Variants in RAPGEF2 observed in about 807,000 individuals in gnomAD.
RAPGEF2 encodes the protein PDZ domain containing guanine nucleotide exchange factor (GEF) 1.
Under a neutral mutation model 186.7 loss-of-function variants are expected in RAPGEF2, and 54 were observed. The ratio of observed to expected loss-of-function variants is 0.29; its 90% CI spans 0.23 to 0.36. RAPGEF2 has a LOEUF of 0.36. Among genes scored for constraint, RAPGEF2 ranks in the 10% least tolerant of loss-of-function variants. The pLI, the probability that RAPGEF2 is intolerant of heterozygous loss-of-function variation, is 1.00. For missense variants in RAPGEF2, 1,532 were observed against 2,045.0 expected, an observed-to-expected ratio of 0.75 and a Z score of 4.84; for synonymous variants, 712 against 705.9, an observed-to-expected ratio of 1.01 and a Z score of -0.14.
chr4:159,132,729 C>A (rs188272104), intron 1 of RAPGEF2, among the ~76,000 whole-genome samples: 23 of 152,154 alleles, frequency 1.5e-4, no homozygotes, highest in Admixed American at 3.9e-4. Flanking sequence ...TAAATACAGT[C>A]TTTTACGTTG....
At chr4:159,323,370 T>C (rs576177619) in intron 10 of RAPGEF2, 89 bp from the exon 11 acceptor site, 1 of 1,082,016 alleles carries the variant, frequency 9.2e-7, no homozygotes, top group South Asian at 2.0e-5. Context: ...ATGGAAGATC[T>C]GCTAATTCAT....
At position 159,221,485 on chromosome 4, in the gene RAPGEF2, G is replaced by GCTA. The variant is rs566833035; in HGVS notation, c.281+10905_281+10907dup. On this transcript the variant is annotated intron_variant, in intron 4 of 29. Transcript: ENST00000691494. ...GAATGTGGACAGTAGTAGTCATGTG[G>GCTA]CTACTTCAGGCCACCCAGGATCCTG... 8.7e-4 allele frequency among the ~76,000 whole-genome samples: 132 copies of GCTA among 152,254 alleles called. 4 individuals carry two copies. The East Asian group carries it at 0.019, about 22-fold the overall frequency.
chr4:159,164,300 G>A (rs978480180), intron 1 of RAPGEF2, among the ~76,000 whole-genome samples: 3 of 116,194 alleles, frequency 2.6e-5, no homozygotes, highest in South Asian at 2.6e-4. Context: ...CACTGCACCC[G>A]GCTGTTTTTT....
At chr4:159,165,085 G>A (rs963072480) in intron 1 of RAPGEF2, among the ~76,000 whole-genome samples, 2 of 152,018 alleles carry the variant, frequency 1.3e-5, no homozygotes, top group African/African-American at 2.4e-5. Flanking sequence ...TTTGGGGAAG[G>A]GGAAAAGGTC....
intron 4 of RAPGEF2, among the ~76,000 whole-genome samples, chr4:159,215,973 C>T (rs1750959830): frequency 6.6e-6 from 1 of 152,150 alleles, no homozygotes; most frequent in Non-Finnish European, 1.5e-5. Context: ...GCAAAATAAT[C>T]TATACTACAA....
chr4:159,250,572 T>C (rs2111507715), intron 7 of RAPGEF2, among the ~76,000 whole-genome samples: 1 of 152,298 alleles, frequency 6.6e-6, no homozygotes, highest in South Asian at 2.1e-4. Flanking sequence ...CATTTGTGGT[T>C]TCAATACAAT....
chr4:159,285,127 A>T (rs1372836085), intron 7 of RAPGEF2, among the ~76,000 whole-genome samples: 1 of 152,178 alleles, frequency 6.6e-6, no homozygotes, highest in East Asian at 1.9e-4. Context: ...CCAGTTTTCC[A>T]TAGTTGGTAG....
intron 3 of RAPGEF2, among the ~76,000 whole-genome samples, chr4:159,196,161 T>C (rs1748632548): frequency 6.6e-6 from 1 of 152,154 alleles, no homozygotes; most frequent in Non-Finnish European, 1.5e-5. Context: ...ATTTCTAGCG[T>C]TTGGCCAATC....
intron 1 of RAPGEF2, among the ~76,000 whole-genome samples, chr4:159,151,076 T>C (rs1341275332): frequency 6.6e-6 from 1 of 152,224 alleles, no homozygotes; most frequent in Non-Finnish European, 1.5e-5. Context: ...CGGAGACTTA[T>C]ATTGTACTTT....
intron 1 of RAPGEF2, among the ~76,000 whole-genome samples, chr4:159,112,072 C>T (rs1403423143): frequency 1.3e-5 from 2 of 152,140 alleles, no homozygotes; most frequent in Non-Finnish European, 2.9e-5. Flanking sequence ...TGGAATCGTA[C>T]AGTATATGGC....
At chr4:159,108,081 T>C (rs1197485736) in intron 1 of RAPGEF2, among the ~76,000 whole-genome samples, 6 of 152,254 alleles carry the variant, frequency 3.9e-5, no homozygotes, top group Non-Finnish European at 7.3e-5. Flanking sequence ...GACATTTGAA[T>C]TTCTTGGTAC....
At chr4:159,137,726 A>C (rs1741874221) in intron 1 of RAPGEF2, among the ~76,000 whole-genome samples, 1 of 150,714 alleles carries the variant, frequency 6.6e-6, no homozygotes, top group African/African-American at 2.4e-5. Flanking sequence ...AAAAAAAAAA[A>C]CCTGCAAAGA....
intron 8 of RAPGEF2, among the ~76,000 whole-genome samples, chr4:159,313,040 C>G (rs895055023): frequency 6.6e-6 from 1 of 151,920 alleles, no homozygotes; most frequent in African/African-American, 2.4e-5. Context: ...CCCAGCTACT[C>G]GGGAGGCTGA....
chr4:159,351,917 C>T (rs1186382835), intron 26 of RAPGEF2, among the ~76,000 whole-genome samples: 3 of 152,234 alleles, frequency 2.0e-5, no homozygotes, highest in African/African-American at 7.2e-5. Flanking sequence ...CGCCACTGCA[C>T]TCCAGCTTGG....
chr4:159,304,587 G>A, intron 8 of RAPGEF2, 114 bp downstream of exon 8: 1 of 943,574 alleles, frequency 1.1e-6, no homozygotes, highest in South Asian at 2.2e-5. Context: ...ACATGTGCAT[G>A]TAAGTACATA....
In RAPGEF2 at chr4:159,270,711, A is replaced by C. The variant is rs184237742; in HGVS notation, c.543+26920A>C. Among the ~76,000 whole-genome samples, 59 of 152,252 alleles carry C rather than the reference A, an allele frequency of 3.9e-4. No homozygotes were observed. The East Asian group carries it at 4.6e-3, about 12-fold the overall frequency. ...ATAGACGTACGATAAATACCATTGA[A>C]TTTCTCTTTAAATTTTTGGATTAAT... On this transcript the variant is annotated intron_variant, in intron 7 of 29. Coordinates refer to ENST00000691494, the MANE Select transcript of RAPGEF2 (RefSeq NM_001394067.2).
rs114474804 is a variant in RAPGEF2 at position 159,105,498 on chromosome 4, G to T, written c.69+1267G>T. On this transcript the variant is annotated intron_variant, in intron 1 of 29. Coordinates refer to ENST00000691494, the MANE Select transcript of RAPGEF2 (RefSeq NM_001394067.2). ...TTTCCTTGATGGAGCTGTCACATCT[G>T]GGAGATCATGGATAGATTGCACATA... is the stretch of plus-strand genomic sequence containing the variant. 8.5e-3 allele frequency among the ~76,000 whole-genome samples: 1,289 copies of T among 152,288 alleles called. 23 individuals are homozygous for T. The highest frequency in any genetic ancestry group is 0.029 in the African/African-American group (1,225 of 41,542).
chr4:159,332,930 T>A lies in RAPGEF2; in HGVS notation c.2135+233T>A, dbSNP rs143109896. ...GTTTAGCATTTCCTCATTTGAACTA[T>A]TTTTTGGGGGTTTGGACTTTTTAGT... On this transcript the variant is annotated intron_variant, in intron 17 of 29. Coordinates refer to ENST00000691494, the MANE Select transcript of RAPGEF2 (RefSeq NM_001394067.2). The A allele has an allele frequency of 4.5e-4, 145 of 318,834 alleles. No homozygotes were observed. The East Asian group carries it at 6.4e-3, about 14-fold the overall frequency. The allele number at this position is 318,834 out of a possible 1,614,324, so 19.8% of individuals were successfully genotyped here.
chr4:159,357,354 C>T (rs376416449), intron 29 of RAPGEF2, among the ~76,000 whole-genome samples: 108 of 152,184 alleles, frequency 7.1e-4, no homozygotes, highest in African/African-American at 2.3e-3. Flanking sequence ...GAGCAAGACC[C>T]GGTCTCTAAA....
Sources: gnomAD v4.1 joint callset for allele counts (sites outside exome capture counted in the v4.1 genomes callset) on GRCh38, gnomAD v4.1.1 for gene constraint, MANE v1.5 for transcripts, NCBI Gene and HGNC (gene_info 2026-07-23, HGNC 2026-07-21) for gene names.